SLC44A5: variants seen among roughly 807,000 people sequenced by gnomAD.
SLC44A5 encodes solute carrier family 44 member 5.
In SLC44A5, 57 loss-of-function variants were observed where a neutral mutation model predicts 101.8. The observed-to-expected ratio is 0.56, with a 90% CI of 0.45 to 0.70. The LOEUF is 0.70. Ranked by LOEUF, SLC44A5 falls within the 30% of genes least tolerant of loss-of-function variation. The pLI is 0.00. For synonymous variants in SLC44A5, 281 were observed against 290.9 expected, an observed-to-expected ratio of 0.97 and a Z score of 0.35; for missense variants, 737 against 853.1, an observed-to-expected ratio of 0.86 and a Z score of 1.70.
At chr1:75,405,882 T>TAAAAAAAAAAAAAAAAAAAAAAA (rs151008621) in intron 2 of SLC44A5, among the ~76,000 whole-genome samples, 1 of 118,822 alleles carries the variant, frequency 8.4e-6, no homozygotes, top group South Asian at 2.6e-4. Context: ...GCGATAGAGA[T>TAAAAAAAAAAAAAAAAAAAAAAA]AAAAAAAAAA....
At chr1:75,523,145 A>G (rs1012793944) in intron 2 of SLC44A5, among the ~76,000 whole-genome samples, 1 of 152,180 alleles carries the variant, frequency 6.6e-6, no homozygotes, top group Non-Finnish European at 1.5e-5. Flanking sequence ...GATTGCCAAG[A>G]ACTCACTGAA....
At chr1:75,395,852 C>T (rs536476722) in intron 3 of SLC44A5, among the ~76,000 whole-genome samples, 42 of 152,212 alleles carry the variant, frequency 2.8e-4, no homozygotes, top group African/African-American at 9.6e-4. Flanking sequence ...ATTCTCACCA[C>T]ATATATAATA....
rs968032137 is a variant in SLC44A5 at position 75,476,182 on chromosome 1, CA to C, written c.13+65252del. ...TGGGAGACAGAAAGAGATTCTGTAT[CA>C]AAAAAAAAAGTATATATATATATAT... On this transcript the variant is annotated intron_variant, in intron 2 of 23. Coordinates refer to ENST00000370859, the MANE Select transcript of SLC44A5 (RefSeq NM_001130058.2). Among the ~76,000 whole-genome samples, 895 of 142,544 alleles carry C rather than the reference CA, an allele frequency of 6.3e-3. 3 individuals carry two copies. Among genetic ancestry groups the C allele is most frequent in the African/African-American group, 0.021 (825 of 38,824 alleles). 93.5% of individuals were successfully genotyped at this position (142,544 alleles called of 152,430 possible).
At position 75,407,488 on chromosome 1, in the gene SLC44A5, G is replaced by A. The variant is rs924107287; in HGVS notation, c.14-10867C>T. ...CTACAAGGCTACAGTAACCAAAACA[G>A]CATGGTACTGGTACCAGAACAGATA... On this transcript the variant is annotated intron_variant, in intron 2 of 23. Transcript: ENST00000370859. Among the ~76,000 whole-genome samples the A allele has an allele frequency of 6.6e-5, 10 of 152,226 alleles. No homozygotes were observed. In the South Asian group the frequency reaches 1.0e-3, roughly 16 times the overall value.
intron 21 of SLC44A5, 45 bp from the exon 22 acceptor site, chr1:75,213,838 A>G (rs1185224167): frequency 6.4e-7 from 1 of 1,552,188 alleles, no homozygotes; most frequent in Non-Finnish European, 8.8e-7. Context: ...TTTGCAAAAG[A>G]ATATAGTTTT....
chr1:75,722,483 C>CA, the SLC44A5 span, among the ~76,000 whole-genome samples: 1 of 152,128 alleles, frequency 6.6e-6, no homozygotes, highest in Non-Finnish European at 1.5e-5. Context: ...CTGCGTATGC[C>CA]ACCCAGGAGG....
chr1:75,442,274 T>C (rs1665250549), intron 2 of SLC44A5, among the ~76,000 whole-genome samples: 1 of 151,996 alleles, frequency 6.6e-6, no homozygotes, highest in Non-Finnish European at 1.5e-5. Flanking sequence ...GGAAAAAAAA[T>C]AATGAACCTT....
At chr1:75,362,668 A>G (rs1659576677) in intron 3 of SLC44A5, among the ~76,000 whole-genome samples, 1 of 152,034 alleles carries the variant, frequency 6.6e-6, no homozygotes, top group Non-Finnish European at 1.5e-5. Flanking sequence ...AAAGATACTT[A>G]TGATTTCACT....
chr1:75,496,013 C>T (rs886277736), intron 2 of SLC44A5, among the ~76,000 whole-genome samples: 2 of 151,918 alleles, frequency 1.3e-5, no homozygotes, highest in African/African-American at 4.8e-5. Flanking sequence ...CTATAGTCAC[C>T]CTGTTGTGTG....
intron 6 of SLC44A5, among the ~76,000 whole-genome samples, chr1:75,258,750 C>T (rs542605053): frequency 1.4e-4 from 21 of 152,180 alleles, no homozygotes; most frequent in African/African-American, 4.6e-4. Context: ...TCCCAGTAGG[C>T]GCCAATAGAC....
intron 2 of SLC44A5, among the ~76,000 whole-genome samples, chr1:75,484,362 T>C (rs1214527620): frequency 1.3e-5 from 2 of 152,206 alleles, no homozygotes; most frequent in Non-Finnish European, 2.9e-5. Flanking sequence ...ACAGGCCCCA[T>C]GCCAATCTGA....
the SLC44A5 span, among the ~76,000 whole-genome samples, chr1:75,701,540 A>G: frequency 6.6e-6 from 1 of 152,268 alleles, no homozygotes; most frequent in East Asian, 1.9e-4. Flanking sequence ...ACAAACCCAC[A>G]GCCAATATCA....
intron 2 of SLC44A5, among the ~76,000 whole-genome samples, chr1:75,456,531 C>A (rs1436403035): frequency 6.6e-6 from 1 of 152,164 alleles, no homozygotes; most frequent in African/African-American, 2.4e-5. Context: ...TATTTTGGCT[C>A]CCAATTAGTC....
intron 5 of SLC44A5, among the ~76,000 whole-genome samples, chr1:75,290,102 A>G (rs1653411147): frequency 6.6e-6 from 1 of 152,204 alleles, no homozygotes; most frequent in African/African-American, 2.4e-5. Context: ...GATAACATGG[A>G]CTTGTACTCA....
intron 6 of SLC44A5, among the ~76,000 whole-genome samples, chr1:75,269,768 G>A (rs921227417): frequency 6.6e-6 from 1 of 151,980 alleles, no homozygotes; most frequent in African/African-American, 2.4e-5. Context: ...TTATAATAAT[G>A]TTACTATCAT....
At chr1:75,625,950 G>A in the SLC44A5 span, among the ~76,000 whole-genome samples, 9 of 152,242 alleles carry the variant, frequency 5.9e-5, no homozygotes, top group African/African-American at 7.2e-5. Context: ...GCTTCTGTGC[G>A]CTTCTAGTTT....
intron 2 of SLC44A5, among the ~76,000 whole-genome samples, chr1:75,482,585 A>C (rs1472112222): frequency 6.6e-6 from 1 of 152,110 alleles, no homozygotes; most frequent in African/African-American, 2.4e-5. Flanking sequence ...TTGTCTGAAA[A>C]ATAGAAGTTT....
At chr1:75,555,901 G>A (rs1472264960) in intron 1 of SLC44A5, among the ~76,000 whole-genome samples, 3 of 152,076 alleles carry the variant, frequency 2.0e-5, no homozygotes, top group Non-Finnish European at 4.4e-5. Context: ...TATTAAACTT[G>A]CAACAACATA....
intron 3 of SLC44A5, among the ~76,000 whole-genome samples, chr1:75,383,725 G>A (rs1397466902): frequency 4.6e-5 from 7 of 152,032 alleles, no homozygotes; most frequent in East Asian, 1.9e-4. Context: ...GATACTCCTC[G>A]AGAACAGCAA....
Sources: gnomAD v4.1 joint callset for allele counts (sites outside exome capture counted in the v4.1 genomes callset) on GRCh38, gnomAD v4.1.1 for gene constraint, MANE v1.5 for transcripts, NCBI Gene and HGNC (gene_info 2026-07-23, HGNC 2026-07-21) for gene names.